Variants in MATN2 observed in about 807,000 individuals in gnomAD.
The protein encoded by MATN2 is matrilin-2.
In MATN2, 69 loss-of-function variants were observed where a neutral mutation model predicts 103.2. The observed-to-expected ratio is 0.67, with a 90% CI of 0.55 to 0.82. MATN2 has a LOEUF of 0.82. MATN2 is among the 40% of genes least tolerant of loss of function. The pLI, the probability that MATN2 is intolerant of heterozygous loss-of-function variation, is 0.00. For synonymous variants in MATN2, 429 were observed against 450.2 expected, an observed-to-expected ratio of 0.95 and a Z score of 0.60; for missense variants, 1,023 against 1,211.5, an observed-to-expected ratio of 0.84 and a Z score of 2.31.
At chr8:97,936,162 T>C (rs1360138659) in intron 3 of MATN2, among the ~76,000 whole-genome samples, 2 of 152,146 alleles carry the variant, frequency 1.3e-5, no homozygotes, top group African/African-American at 4.8e-5. Flanking sequence ...ACCCCACACA[T>C]CCTGGAGTCT....
chr8:98,016,665 A>C lies in MATN2; in HGVS notation c.1696+3A>C. The C allele has an allele frequency of 6.2e-7, 1 of 1,610,462 alleles. No homozygotes were observed. Among genetic ancestry groups the C allele is most frequent in the Non-Finnish European group, 8.5e-7 (1 of 1,177,996 alleles). On this transcript the variant is annotated splice_donor_region_variant and intron_variant, in intron 11 of 18. Coordinates refer to ENST00000254898, the MANE Select transcript of MATN2 (RefSeq NM_002380.5). Reference sequence around the variant, plus strand: ...TGAAGATGGAAAAACCTGCAGAAGTAAGTTTGTACTGGAGCTGGCTCCTAC... The same window carrying C: ...TGAAGATGGAAAAACCTGCAGAAGTCAGTTTGTACTGGAGCTGGCTCCTAC...
Position 97,899,340 on chromosome 8 carries a change from G to A in MATN2, c.142+11098G>A, listed in dbSNP as rs62521911. ...ATGCCTATAGGAAAAGTAAATTAACGGACTCTTCCTCAATAAATATATATA... is the reference window on the plus strand; with the variant it reads ...ATGCCTATAGGAAAAGTAAATTAACAGACTCTTCCTCAATAAATATATATA... On this transcript the variant is annotated intron_variant, in intron 2 of 18. Transcript: ENST00000254898. 1.0e-3 allele frequency among the ~76,000 whole-genome samples: 155 copies of A among 152,134 alleles called. 1 individual carries two copies. The highest frequency in any genetic ancestry group is 1.8e-3 in the Non-Finnish European group (119 of 67,998).
intron 7 of MATN2, among the ~76,000 whole-genome samples, chr8:98,002,696 G>A (rs891632532): frequency 2.0e-5 from 3 of 152,106 alleles, no homozygotes; most frequent in Non-Finnish European, 4.4e-5. Flanking sequence ...GGAAAATGCT[G>A]GAGAATCCAC....
Position 98,016,675 on chromosome 8 carries a change from T to C in MATN2, c.1696+13T>C. ...AAAACCTGCAGAAGTAAGTTTGTAC[T>C]GGAGCTGGCTCCTACTACTATGCCA... On this transcript the variant is annotated intron_variant, in intron 11 of 18. Coordinates refer to ENST00000254898, the MANE Select transcript of MATN2 (RefSeq NM_002380.5). 6.2e-7 allele frequency: 1 copy of C among 1,608,380 alleles called. No individual in the cohort carries two copies. The highest frequency in any genetic ancestry group is 8.5e-7 in the Non-Finnish European group (1 of 1,176,798).
chr8:97,989,412 T>A (rs1388631666), intron 6 of MATN2, among the ~76,000 whole-genome samples: 2 of 147,360 alleles, frequency 1.4e-5, no homozygotes, highest in Non-Finnish European at 3.0e-5. Context: ...GAGCTTGCAG[T>A]GAGCCGAGAT....
intron 2 of MATN2, among the ~76,000 whole-genome samples, chr8:97,909,481 G>A (rs1189630075): frequency 6.6e-6 from 1 of 152,102 alleles, no homozygotes; most frequent in Non-Finnish European, 1.5e-5. Flanking sequence ...TGGGGCTGGG[G>A]AATCTTTAGA....
rs1563650485 is a variant in MATN2 at position 97,893,588 on chromosome 8, ATTT to A, written c.142+5347_142+5349del. ...TATTTATTTATTTATTTATTTATTT[ATTT>A]ATTTATGATAGAGTCTTGCTGTGTC... On this transcript the variant is annotated intron_variant, in intron 2 of 18. Transcript: ENST00000254898. 7.3e-3 allele frequency among the ~76,000 whole-genome samples: 1,088 copies of A among 149,684 alleles called. 19 individuals carry two copies. The highest frequency in any genetic ancestry group is 0.03 in the East Asian group (152 of 5,102).
At chr8:97,996,663 C>T (rs1812598379) in intron 7 of MATN2, among the ~76,000 whole-genome samples, 1 of 152,216 alleles carries the variant, frequency 6.6e-6, no homozygotes, top group Admixed American at 6.5e-5. Context: ...CCTGCAGGAG[C>T]GGCCCCTGAC....
Position 98,035,667 on chromosome 8 carries a change from G to A in MATN2, c.2826G>A (p.Met942Ile), listed in dbSNP as rs773642635. Residue 942 changes from methionine (M) to isoleucine (I), a missense_variant, in exon 19 of 19, where the codon ATG becomes ATA. Physicochemically the swap from Met to Ile is conservative, Grantham distance 10. Transcript: ENST00000254898. ...TAATTTGAGATTTACTAGAAGAAAT[G>A]ACACAGAGAATGGAAGCCCTGGAAA... Reference protein sequence around the residue: ...VRKLTQRLEEMTQRMEALENR... With the variant: ...VRKLTQRLEEITQRMEALENR... 2.5e-6 allele frequency: 4 copies of A among 1,583,568 alleles called. No individual in the cohort carries two copies. The highest frequency in any genetic ancestry group is 3.5e-6 in the Non-Finnish European group (4 of 1,158,924).
At position 97,971,974 on chromosome 8, in the gene MATN2, T is replaced by C. The variant is rs926410418; in HGVS notation, c.959-6912T>C. Among the ~76,000 whole-genome samples the C allele has an allele frequency of 2.0e-5, 3 of 151,046 alleles. 1 individual carries two copies. Among genetic ancestry groups the C allele is most frequent in the Admixed American group, 6.6e-5 (1 of 15,194 alleles). ...ACTTCGGGAGGCCAAGGCGGGCAGA[T>C]CTCTTGAGCTCAGGAGTTCGAGACC... On this transcript the variant is annotated intron_variant, in intron 5 of 18. Coordinates refer to ENST00000254898, the MANE Select transcript of MATN2 (RefSeq NM_002380.5).
chr8:98,007,324 C>G lies in MATN2; in HGVS notation c.1450+97C>G. On this transcript the variant is annotated intron_variant, in intron 9 of 18. Transcript: ENST00000254898. The surrounding 1 kb of genome is among the most constrained non-coding windows in gnomAD (Gnocchi z 4.2). The stretch of plus-strand genomic sequence containing the variant: ...CACAGGTTGTACTTGGGCACCCCTC[C>G]CCTGCCCCTTGCTCTGCTCCAGGAG... The G allele has an allele frequency of 6.4e-7, 1 of 1,574,350 alleles. No individual in the cohort carries two copies.
At chr8:97,950,811 C>G (rs993720258) in intron 4 of MATN2, 1 of 152,238 alleles carries the variant, frequency 6.6e-6, no homozygotes, top group Non-Finnish European at 1.5e-5. Context: ...GTTTTCAGGG[C>G]AAACAGATGC....
intron 3 of MATN2, among the ~76,000 whole-genome samples, chr8:97,933,812 A>G (rs1207852065): frequency 1.3e-5 from 2 of 152,148 alleles, no homozygotes; most frequent in East Asian, 3.8e-4. Flanking sequence ...TTTGCTCAGC[A>G]GACTCAGCAG....
At chr8:97,904,704 C>T (rs1819104682) in intron 2 of MATN2, among the ~76,000 whole-genome samples, 1 of 152,022 alleles carries the variant, frequency 6.6e-6, no homozygotes, top group Non-Finnish European at 1.5e-5. Context: ...TAAGGAAAGG[C>T]CAATCAGACA....
intron 1 of MATN2, among the ~76,000 whole-genome samples, chr8:97,876,761 C>T (rs926863382): frequency 3.3e-5 from 5 of 152,122 alleles, no homozygotes; most frequent in East Asian, 1.9e-4. Flanking sequence ...CCAGAATCCC[C>T]GCTCAGGCTC....
rs371042037 is a variant in MATN2 at position 97,874,406 on chromosome 8, C to CTTCTT, written c.-27+5121_-27+5122insCTTTT. Among the ~76,000 whole-genome samples, 834 of 136,046 alleles carry CTTCTT rather than the reference C, an allele frequency of 6.1e-3. 4 individuals are homozygous for CTTCTT. The highest frequency in any genetic ancestry group is 0.02 in the South Asian group (83 of 4,084). 89.3% of individuals were successfully genotyped at this position (136,046 alleles called of 152,430 possible). ...CTGCCTTCCTCTTCTTCTTCTTCTT[C>CTTCTT]TTTTTTTTTTTTTGTTTGAGACAAG... On this transcript the variant is annotated intron_variant, in intron 1 of 18. Coordinates refer to ENST00000254898, the MANE Select transcript of MATN2 (RefSeq NM_002380.5).
intron 2 of MATN2, among the ~76,000 whole-genome samples, chr8:97,898,268 C>T (rs1344538505): frequency 6.6e-6 from 1 of 152,108 alleles, no homozygotes; most frequent in East Asian, 1.9e-4. Flanking sequence ...TCCTGTCCTT[C>T]GTCTCTCTAT....
chr8:97,956,232 C>T (rs1208818586), intron 4 of MATN2, among the ~76,000 whole-genome samples: 1 of 151,942 alleles, frequency 6.6e-6, no homozygotes, highest in East Asian at 1.9e-4. Context: ...GGCTGGAGTG[C>T]AGTGGCGCGA....
chr8:97,941,731 G>A lies in MATN2; in HGVS notation c.713-46G>A, dbSNP rs537954444. Reference sequence around the variant, plus strand: ...ATGCTTGCTGGCTGGAATGGAGTGAGAAAGGGCATCACTGTTGACTTACCT... The same window carrying A: ...ATGCTTGCTGGCTGGAATGGAGTGAAAAAGGGCATCACTGTTGACTTACCT... On this transcript the variant is annotated intron_variant, in intron 3 of 18. Coordinates refer to ENST00000254898, the MANE Select transcript of MATN2 (RefSeq NM_002380.5). 3.9e-6 allele frequency: 6 copies of A among 1,544,840 alleles called. No individual in the cohort carries two copies. In the South Asian group the frequency reaches 6.0e-5, roughly 15 times the overall value.
Sources: allele counts gnomAD v4.1 joint callset (sites outside exome capture counted in the v4.1 genomes callset), GRCh38; gene constraint gnomAD v4.1.1; non-coding constraint Gnocchi (gnomAD v3.1); transcripts MANE v1.5; gene names NCBI Gene and HGNC (gene_info 2026-07-23, HGNC 2026-07-21).